Variants in CDH13 observed in about 807,000 individuals in gnomAD.
CDH13 encodes the protein cadherin 13.
In CDH13, 24 loss-of-function variants were observed where a neutral mutation model predicts 63.8. The observed-to-expected ratio is 0.38, with a 90% CI of 0.27 to 0.53. The LOEUF is 0.53. Among genes scored for constraint, CDH13 ranks in the 20% least tolerant of loss-of-function variants. CDH13 has a pLI of 0.85. For synonymous variants in CDH13, 503 were observed against 355.3 expected (o/e 1.42, Z -4.67); for missense variants, 1,049 against 903.1 (o/e 1.16, Z -2.07).
intron 3 of CDH13, among the ~76,000 whole-genome samples, chr16:83,042,720 C>T (rs1324709347): frequency 7.9e-5 from 12 of 152,138 alleles, no homozygotes; most frequent in African/African-American, 1.7e-4. Context: ...GCAACAAGCT[C>T]GTGGTAAATT....
chr16:83,683,811 T>C (rs1437933119), intron 10 of CDH13, among the ~76,000 whole-genome samples: 2 of 152,218 alleles, frequency 1.3e-5, no homozygotes, highest in South Asian at 2.1e-4. Context: ...TTTGTTTTTA[T>C]GTCTAGGCAG....
intron 4 of CDH13, among the ~76,000 whole-genome samples, chr16:83,140,140 C>T (rs1364323900): frequency 2.0e-5 from 3 of 152,164 alleles, no homozygotes; most frequent in Non-Finnish European, 4.4e-5. Context: ...GGTTTAGATC[C>T]CATAGGTCTG....
chr16:82,928,849 A>G (rs935333588), intron 2 of CDH13, among the ~76,000 whole-genome samples: 6 of 152,200 alleles, frequency 3.9e-5, no homozygotes, highest in African/African-American at 1.4e-4. Flanking sequence ...TGAACTGAAA[A>G]CACTTAGCCT....
At chr16:83,293,741 A>G (rs2089519798) in intron 5 of CDH13, among the ~76,000 whole-genome samples, 1 of 152,250 alleles carries the variant, frequency 6.6e-6, no homozygotes, top group African/African-American at 2.4e-5. Context: ...AATTTTAGTC[A>G]TGAACCGGGT....
chr16:83,418,736 G>A (rs924844577), intron 6 of CDH13, among the ~76,000 whole-genome samples: 1 of 152,130 alleles, frequency 6.6e-6, no homozygotes, highest in Non-Finnish European at 1.5e-5. Flanking sequence ...TGAGTGCTAG[G>A]ACATTGTCAA....
At position 83,032,046 on chromosome 16, in the gene CDH13, G is replaced by A. The variant is rs371659407; in HGVS notation, c.194G>A (p.Arg65His). ...GACTGTAAGGGAAACGACAAGCTAC[G>A]CTATGAGGTCTCGAGCCCATACTTC... ...FSDCKGNDKL[R>H]YEVSSPYFKV... Residue 65 changes from arginine (R) to histidine (H), a missense_variant, in exon 3 of 14, where the codon CGC becomes CAC. Arg to His is a conservative substitution (Grantham distance 29). Coordinates refer to ENST00000567109, the MANE Select transcript of CDH13 (RefSeq NM_001257.5). 1.0e-4 allele frequency: 161 copies of A among 1,606,272 alleles called. No individual in the cohort carries two copies. The highest frequency in any genetic ancestry group is 1.3e-4 in the South Asian group (12 of 89,106).
intron 1 of CDH13, among the ~76,000 whole-genome samples, chr16:82,794,627 C>G (rs1269142996): frequency 6.6e-6 from 1 of 152,098 alleles, no homozygotes; most frequent in Admixed American, 6.5e-5. Context: ...CTCATTTTCT[C>G]AAACAGAAGC....
chr16:83,331,196 C>G (rs1275098215), intron 5 of CDH13, among the ~76,000 whole-genome samples: 1 of 152,108 alleles, frequency 6.6e-6, no homozygotes, highest in Admixed American at 6.5e-5. Context: ...CAGCTGTTTT[C>G]TAGTTCTCAG....
At chr16:82,703,228 C>T (rs972594117) in intron 1 of CDH13, among the ~76,000 whole-genome samples, 3 of 152,136 alleles carry the variant, frequency 2.0e-5, no homozygotes, top group Non-Finnish European at 1.5e-5. Flanking sequence ...CACACACACA[C>T]ACAATGTTAT....
At chr16:83,065,026 C>G (rs1279956414) in intron 3 of CDH13, among the ~76,000 whole-genome samples, 1 of 152,128 alleles carries the variant, frequency 6.6e-6, no homozygotes, top group African/African-American at 2.4e-5. Flanking sequence ...GCACCCCCAG[C>G]CCCAGGTAAT....
intron 13 of CDH13, among the ~76,000 whole-genome samples, chr16:83,788,009 T>A (rs183845018): frequency 2.0e-5 from 3 of 152,312 alleles, no homozygotes; most frequent in African/African-American, 7.2e-5. Context: ...GAGCAGTACT[T>A]CCTATGTGAT....
At chr16:83,511,846 G>A (rs1293120009) in intron 7 of CDH13, among the ~76,000 whole-genome samples, 1 of 152,144 alleles carries the variant, frequency 6.6e-6, no homozygotes, top group Non-Finnish European at 1.5e-5. Flanking sequence ...TAAGGACTCA[G>A]GCTTTGGGAT....
intron 1 of CDH13, among the ~76,000 whole-genome samples, chr16:82,698,927 T>C (rs995254165): frequency 2.0e-5 from 3 of 152,206 alleles, no homozygotes; most frequent in Non-Finnish European, 4.4e-5. Flanking sequence ...TTATCCTTTT[T>C]CTTTTAATAA....
intron 6 of CDH13, among the ~76,000 whole-genome samples, chr16:83,445,585 T>G (rs1466105071): frequency 6.6e-6 from 1 of 152,196 alleles, no homozygotes; most frequent in Admixed American, 6.5e-5. Context: ...GCAAGGAACT[T>G]TCACACTTGG....
chr16:83,616,443 G>T (rs1909289616), intron 8 of CDH13, among the ~76,000 whole-genome samples: 1 of 151,828 alleles, frequency 6.6e-6, no homozygotes, highest in Admixed American at 6.6e-5. Context: ...TATGCTCAAG[G>T]GTCAGTGGCA....
At chr16:83,413,922 G>T (rs113464975) in intron 6 of CDH13, among the ~76,000 whole-genome samples, 5,728 of 152,166 alleles carry the variant, frequency 0.038, 122 homozygotes, top group East Asian at 0.12. Context: ...AACCTGGGAG[G>T]TGCAGGTTGC....
intron 2 of CDH13, among the ~76,000 whole-genome samples, chr16:82,990,954 C>G (rs1409018760): frequency 2.6e-5 from 4 of 152,160 alleles, no homozygotes; most frequent in Admixed American, 6.6e-5. Flanking sequence ...TAATCAATGG[C>G]TCTGGTTTGA....
chr16:83,059,835 C>T (rs1244554457), intron 3 of CDH13, among the ~76,000 whole-genome samples: 1 of 145,042 alleles, frequency 6.9e-6, no homozygotes, highest in African/African-American at 2.6e-5. Context: ...CGCTCTGTCA[C>T]CCAGGCTGGA....
intron 1 of CDH13, among the ~76,000 whole-genome samples, chr16:82,752,828 A>C (rs2034470971): frequency 6.6e-6 from 1 of 152,226 alleles, no homozygotes; most frequent in Admixed American, 6.5e-5. Flanking sequence ...GCAAGCTACC[A>C]ATGACGTATC....
Sources: allele counts gnomAD v4.1 joint callset (sites outside exome capture counted in the v4.1 genomes callset), GRCh38; gene constraint gnomAD v4.1.1; transcripts MANE v1.5; gene names NCBI Gene and HGNC (gene_info 2026-07-23, HGNC 2026-07-21).